The following TENM4 variants were observed in gnomAD, a reference collection of about 807,000 sequenced individuals.
The protein encoded by TENM4 is teneurin-4.
TENM4 carries 82 observed loss-of-function variants against 243.3 expected under a neutral mutation model. The observed-to-expected ratio is 0.34, with a 90% confidence interval of 0.28 to 0.40. The LOEUF is 0.40. Among genes scored for constraint, TENM4 ranks in the 10% least tolerant of loss-of-function variants. The pLI, the probability that TENM4 is intolerant of heterozygous loss-of-function variation, is 1.00. For missense variants in TENM4, 3,138 were observed against 3,673.3 expected (o/e 0.85, Z 3.77); for synonymous variants, 1,412 against 1,456.3 (o/e 0.97, Z 0.69).
intron 2 of TENM4, among the ~76,000 whole-genome samples, chr11:79,275,171 C>G (rs1311325361): frequency 3.9e-5 from 6 of 152,058 alleles, no homozygotes; most frequent in Non-Finnish European, 8.8e-5. Flanking sequence ...AAAATCTATT[C>G]ATGGGAATAA....
intron 5 of TENM4, among the ~76,000 whole-genome samples, chr11:79,066,617 C>A (rs893647257): frequency 6.6e-6 from 1 of 151,834 alleles, no homozygotes; most frequent in Non-Finnish European, 1.5e-5. Context: ...TGCACACACA[C>A]GTGCGCACAC....
chr11:79,254,088 C>T (rs910708506), intron 2 of TENM4, among the ~76,000 whole-genome samples: 2 of 152,124 alleles, frequency 1.3e-5, no homozygotes, highest in Non-Finnish European at 2.9e-5. Context: ...TGGGAGTGTC[C>T]ACTGGTGAAA....
intron 20 of TENM4, among the ~76,000 whole-genome samples, chr11:78,737,757 T>G (rs1855833351): frequency 6.6e-6 from 1 of 152,230 alleles, no homozygotes; most frequent in Non-Finnish European, 1.5e-5. Flanking sequence ...TAATATTTAT[T>G]GTATACTTAC....
At position 78,665,222 on chromosome 11, in the gene TENM4, C is replaced by A. The variant is rs113617695; in HGVS notation, c.7409-3631G>T. On this transcript the variant is annotated intron_variant, in intron 32 of 33. Transcript: ENST00000278550. Reference sequence around the variant, plus strand: ...TTCTTTTCCTTTTTATTTTCTTTTTCTTTATTTCTTTTCTTTCTCTCTTTC... The same window carrying A: ...TTCTTTTCCTTTTTATTTTCTTTTTATTTATTTCTTTTCTTTCTCTCTTTC... Among the ~76,000 whole-genome samples, 357 of 140,672 alleles carry A rather than the reference C, an allele frequency of 2.5e-3. 3 individuals are homozygous for A. The highest frequency in any genetic ancestry group is 8.7e-3 in the African/African-American group (332 of 38,104). 92.3% of individuals were successfully genotyped at this position (140,672 alleles called of 152,430 possible).
chr11:78,861,900 G>A (rs188865142), intron 10 of TENM4, among the ~76,000 whole-genome samples: 2 of 152,284 alleles, frequency 1.3e-5, no homozygotes, highest in Admixed American at 6.5e-5. Flanking sequence ...AGAAGGGAAC[G>A]CCACACTGCC....
chr11:79,012,786 C>T (rs544646206), intron 6 of TENM4, among the ~76,000 whole-genome samples: 1 of 152,266 alleles, frequency 6.6e-6, no homozygotes, highest in African/African-American at 2.4e-5. Context: ...AAAGTGGCTG[C>T]TCAGCGAGGA....
intron 29 of TENM4, among the ~76,000 whole-genome samples, chr11:78,684,888 T>A (rs1403025829): frequency 6.6e-6 from 1 of 152,256 alleles, no homozygotes. Context: ...TAGGATTATA[T>A]GTGCTCAGTA....
Position 78,855,051 on chromosome 11 carries a change from TCTAG to T in TENM4, c.1471-741_1471-738del, listed in dbSNP as rs753283049. Among the ~76,000 whole-genome samples the T allele has an allele frequency of 1.3e-4, 20 of 152,290 alleles. No homozygotes were observed. In the East Asian group the frequency reaches 1.4e-3, roughly 10 times the overall value. ...TATTAGCAAGCAAATTGGGTAGTTATCTAGCTAGCTAGCTAGCTAGCTTTAAAAA... is the reference window on the plus strand; with the variant it reads ...TATTAGCAAGCAAATTGGGTAGTTATCTAGCTAGCTAGCTAGCTTTAAAAA... On this transcript the variant is annotated intron_variant, in intron 11 of 33. Coordinates refer to ENST00000278550, the MANE Select transcript of TENM4 (RefSeq NM_001098816.3).
chr11:79,079,164 C>G (rs1388547369), intron 4 of TENM4, among the ~76,000 whole-genome samples: 1 of 152,172 alleles, frequency 6.6e-6, no homozygotes, highest in East Asian at 1.9e-4. Flanking sequence ...GGCTGTGTGC[C>G]CAGCCTGGCT....
intron 13 of TENM4, among the ~76,000 whole-genome samples, chr11:78,813,354 T>G (rs1189143374): frequency 6.6e-6 from 1 of 152,210 alleles, no homozygotes; most frequent in African/African-American, 2.4e-5. Context: ...TCCCTTCTAC[T>G]CTCAGACTGC....
intron 1 of TENM4, among the ~76,000 whole-genome samples, chr11:79,319,584 C>A (rs1199460116): frequency 6.6e-6 from 1 of 152,108 alleles, no homozygotes; most frequent in African/African-American, 2.4e-5. Context: ...CCTGGGCATG[C>A]TGGAAGGACT....
At position 79,260,747 on chromosome 11, in the gene TENM4, G is replaced by T. The variant is rs77251963; in HGVS notation, c.-265+36741C>A. 9.5e-3 allele frequency among the ~76,000 whole-genome samples: 1,445 copies of T among 152,198 alleles called. 9 individuals are homozygous for T. Among genetic ancestry groups the T allele is most frequent in the Non-Finnish European group, 0.016 (1,075 of 68,010 alleles). On this transcript the variant is annotated intron_variant, in intron 2 of 33. Transcript: ENST00000278550. ...CGGTGCCAACTCAAGGCTCTCCAAG[G>T]CTGTACCTCATTACTGCCAAAAGGG... is the stretch of plus-strand genomic sequence containing the variant.
intron 1 of TENM4, among the ~76,000 whole-genome samples, chr11:79,298,800 T>G (rs1856502670): frequency 6.6e-6 from 1 of 152,190 alleles, no homozygotes; most frequent in Non-Finnish European, 1.5e-5. Context: ...GGTACCCCAT[T>G]CATATTTTTG....
chr11:79,255,417 G>A (rs1292351678), intron 2 of TENM4, among the ~76,000 whole-genome samples: 1 of 152,208 alleles, frequency 6.6e-6, no homozygotes, highest in Non-Finnish European at 1.5e-5. Flanking sequence ...AGAGCCTAGA[G>A]TCGGCTGGCA....
At chr11:78,947,323 T>C (rs1447577527) in intron 6 of TENM4, among the ~76,000 whole-genome samples, 1 of 152,114 alleles carries the variant, frequency 6.6e-6, no homozygotes, top group East Asian at 1.9e-4. Context: ...CAAGGCTCAG[T>C]TTCAGAAACC....
At chr11:78,899,559 C>CAG (rs375147197) in intron 7 of TENM4, among the ~76,000 whole-genome samples, 4 of 29,620 alleles carry the variant, frequency 1.4e-4, no homozygotes, top group Admixed American at 1.1e-3. Context: ...TCTCAAAAAG[C>CAG]GGGGGGGGGG....
chr11:79,309,011 A>T (rs561954512), intron 1 of TENM4, among the ~76,000 whole-genome samples: 26 of 152,296 alleles, frequency 1.7e-4, no homozygotes, highest in African/African-American at 6.0e-4. Context: ...AGAGTGGCAA[A>T]GCAGAATGCC....
At chr11:78,880,488 A>AAAAGAG (rs1368857006) in intron 9 of TENM4, among the ~76,000 whole-genome samples, 1 of 113,000 alleles carries the variant, frequency 8.8e-6, no homozygotes, top group African/African-American at 3.5e-5. Context: ...AAAAAAAAAA[A>AAAAGAG]AGAAAGAAAA....
chr11:79,079,219 G>A (rs1352414939), intron 4 of TENM4, among the ~76,000 whole-genome samples: 1 of 152,176 alleles, frequency 6.6e-6, no homozygotes, highest in African/African-American at 2.4e-5. Context: ...GTGACAGATG[G>A]TGCCGCTGTC....
Sources: allele counts gnomAD v4.1 joint callset (sites outside exome capture counted in the v4.1 genomes callset), GRCh38; gene constraint gnomAD v4.1.1; transcripts MANE v1.5; gene names NCBI Gene and HGNC (gene_info 2026-07-23, HGNC 2026-07-21).